The following TEC variants were observed in gnomAD, a reference collection of about 807,000 sequenced individuals.
TEC encodes the protein tec protein tyrosine kinase.
TEC carries 72 observed loss-of-function variants against 93.0 expected under a neutral mutation model. The ratio of observed to expected loss-of-function variants is 0.77; its 90% CI spans 0.64 to 0.94. The LOEUF is 0.94. Among genes scored for constraint, TEC ranks in the 40% least tolerant of loss-of-function variants. The probability of loss-of-function intolerance (pLI) is 0.00; values close to 1 mark genes in which losing one functional copy is unlikely to be tolerated. For synonymous variants in TEC, 249 were observed against 247.7 expected, an observed-to-expected ratio of 1.01 and a Z score of -0.05; for missense variants, 630 against 757.9, an observed-to-expected ratio of 0.83 and a Z score of 1.98.
chr4:48,156,682 C>G lies in TEC; in HGVS notation c.790G>C (p.Glu264Gln). ...RSKAEQLLRS[E>Q]DKEGGFMVRD... is the part of the protein sequence containing the mutation. ...AACCCACAAGTACAAACACTTACTT[C>G]ACTGCGGAGGAGTTGCTCTGCCTTG... Residue 264 changes from glutamate to glutamine, a missense_variant and splice_region_variant, in exon 9 of 18, where the codon GAA (glutamate) becomes CAA (glutamine). Glu to Gln is a conservative substitution (Grantham distance 29, BLOSUM62 2). Coordinates refer to ENST00000381501, the MANE Select transcript of TEC (RefSeq NM_003215.3). The G allele has an allele frequency of 6.2e-7, 1 of 1,610,862 alleles. No individual in the cohort carries two copies. The highest frequency in any genetic ancestry group is 1.1e-5 in the South Asian group (1 of 90,240).
At position 48,137,391 on chromosome 4, in the gene TEC, C is replaced by G; in HGVS notation, c.*25G>C. On this transcript the variant is annotated 3_prime_UTR_variant, in exon 18 of 18. Coordinates refer to ENST00000381501, the MANE Select transcript of TEC (RefSeq NM_003215.3). ...CCCATCCTTCCTTGTGCTTGGGAAT[C>G]TGGGAGCCACTGGTCACACATCACT... 1 of 1,596,864 alleles carries G rather than the reference C, an allele frequency of 6.3e-7. No homozygotes were observed. The highest frequency in any genetic ancestry group is 8.6e-7 in the Non-Finnish European group (1 of 1,166,566).
intron 2 of TEC, among the ~76,000 whole-genome samples, chr4:48,198,259 C>A (rs931864958): frequency 1.3e-5 from 2 of 152,210 alleles, no homozygotes; most frequent in Non-Finnish European, 2.9e-5. Context: ...CAGGTGTAAG[C>A]TGGACATGGG....
rs138354189 is a variant in TEC, at chr4:48,189,983, G to A, written c.139-13797C>T. Among the ~76,000 whole-genome samples, 974 of 152,288 alleles carry A rather than the reference G, an allele frequency of 6.4e-3. 2 individuals are homozygous for A. Among genetic ancestry groups the A allele is most frequent in the South Asian group, 0.018 (85 of 4,826 alleles). ...GGACAACAGTCCCTGGCCATATCTA[G>A]TATATGAAATATCTACCATCTGTTT... On this transcript the variant is annotated intron_variant, in intron 2 of 17. Transcript: ENST00000381501.
chr4:48,169,010 G>GA (rs1720992870), intron 5 of TEC, among the ~76,000 whole-genome samples: 1 of 152,180 alleles, frequency 6.6e-6, no homozygotes, highest in Non-Finnish European at 1.5e-5. Context: ...TAGAGTTTTG[G>GA]CTGACACATG....
intron 1 of TEC, among the ~76,000 whole-genome samples, chr4:48,258,659 C>G (rs1205314095): frequency 6.6e-6 from 1 of 152,202 alleles, no homozygotes. Flanking sequence ...GTAGCCCTCT[C>G]CTGAGTCCTG....
intron 2 of TEC, among the ~76,000 whole-genome samples, chr4:48,225,732 C>A (rs1295257158): frequency 6.9e-6 from 1 of 145,660 alleles, no homozygotes. Flanking sequence ...TTTTTTTTTA[C>A]TACTGACAAT....
intron 1 of TEC, among the ~76,000 whole-genome samples, chr4:48,254,636 A>G (rs1724293134): frequency 6.6e-6 from 1 of 152,268 alleles, no homozygotes; most frequent in African/African-American, 2.4e-5. Context: ...GAGATCCCAG[A>G]TGGTGTCAGA....
At chr4:48,199,036 CA>C (rs1326982947) in intron 2 of TEC, among the ~76,000 whole-genome samples, 1 of 152,104 alleles carries the variant, frequency 6.6e-6, no homozygotes, top group Non-Finnish European at 1.5e-5. Context: ...GGCTTAAATA[CA>C]AATGGCCTGG....
At chr4:48,156,658 A>C in intron 9 of TEC, 22 bp downstream of exon 9, 1 of 1,597,914 alleles carries the variant, frequency 6.3e-7, no homozygotes. Flanking sequence ...CTTAAGCCAA[A>C]CCCACAAGTA....
intron 1 of TEC, among the ~76,000 whole-genome samples, chr4:48,232,029 C>T (rs1242304951): frequency 6.6e-6 from 1 of 152,170 alleles, no homozygotes; most frequent in Non-Finnish European, 1.5e-5. Context: ...TGGCTCATGC[C>T]TGTAATCCTA....
chr4:48,195,329 G>C (rs1722261336), intron 2 of TEC, among the ~76,000 whole-genome samples: 1 of 152,076 alleles, frequency 6.6e-6, no homozygotes. Flanking sequence ...CCTGATCAAA[G>C]TTGTAACTGA....
chr4:48,241,378 T>C (rs1380763139), intron 1 of TEC, among the ~76,000 whole-genome samples: 1 of 152,184 alleles, frequency 6.6e-6, no homozygotes, highest in Non-Finnish European at 1.5e-5. Context: ...CTTGATTTTT[T>C]TGGACGTCTA....
chr4:48,237,872 T>C (rs532742934), intron 1 of TEC, among the ~76,000 whole-genome samples: 7 of 152,220 alleles, frequency 4.6e-5, no homozygotes, highest in Non-Finnish European at 8.8e-5. Flanking sequence ...TTACTATTTG[T>C]TTGCAATTTT....
At chr4:48,252,799 T>C (rs1034553652) in intron 1 of TEC, among the ~76,000 whole-genome samples, 1 of 152,158 alleles carries the variant, frequency 6.6e-6, no homozygotes, top group African/African-American at 2.4e-5. Context: ...TAGACCATAA[T>C]CTCATAAATG....
intron 1 of TEC, among the ~76,000 whole-genome samples, chr4:48,263,403 C>T (rs190717465): frequency 6.2e-4 from 95 of 152,234 alleles, no homozygotes; most frequent in Admixed American, 2.0e-3. Context: ...AGTCATCCTA[C>T]ACAAAGTGAA....
intron 2 of TEC, among the ~76,000 whole-genome samples, chr4:48,223,532 A>C (rs1159973188): frequency 6.6e-6 from 1 of 152,238 alleles, no homozygotes; most frequent in Non-Finnish European, 1.5e-5. Flanking sequence ...AAGTCTAACA[A>C]GACTTAATAC....
At chr4:48,266,863 G>A (rs1409890909) in intron 1 of TEC, among the ~76,000 whole-genome samples, 1 of 151,008 alleles carries the variant, frequency 6.6e-6, no homozygotes, top group Non-Finnish European at 1.5e-5. Context: ...CGAAAAAAAA[G>A]TTATGCTTGG....
chr4:48,239,445 A>C (rs942765989), intron 1 of TEC, among the ~76,000 whole-genome samples: 2 of 152,130 alleles, frequency 1.3e-5, no homozygotes, highest in African/African-American at 4.8e-5. Flanking sequence ...TATAAAACGA[A>C]TATTTGTCTA....
In TEC at chr4:48,246,943, A is replaced by G. The variant is rs192133200; in HGVS notation, c.-45-18284T>C. Among the ~76,000 whole-genome samples the G allele has an allele frequency of 3.1e-3, 473 of 152,356 alleles. 4 individuals carry two copies. The highest frequency in any genetic ancestry group is 0.011 in the African/African-American group (455 of 41,582). The stretch of plus-strand genomic sequence containing the variant: ...AAAAATTTTTGCGTGACATTATTGA[A>G]GAAGGTTACAAGAAGTTCCCACAGA... On this transcript the variant is annotated intron_variant, in intron 1 of 17. Transcript: ENST00000381501.
Sources: gnomAD v4.1 joint callset for allele counts (sites outside exome capture counted in the v4.1 genomes callset) on GRCh38, gnomAD v4.1.1 for gene constraint, MANE v1.5 for transcripts, NCBI Gene and HGNC (gene_info 2026-07-23, HGNC 2026-07-21) for gene names.